USP5: variants seen among roughly 807,000 people sequenced by gnomAD.
USP5 encodes the protein ubiquitin carboxyl-terminal hydrolase 5.
USP5 carries 24 observed loss-of-function variants against 102.5 expected under a neutral mutation model. That is an observed-to-expected ratio of 0.23 (90% CI 0.17 to 0.33). The LOEUF (loss-of-function observed/expected upper bound fraction) is 0.33. Among genes scored for constraint, USP5 ranks in the 10% least tolerant of loss-of-function variants. The probability of loss-of-function intolerance (pLI) is 1.00; values close to 1 mark genes in which losing one functional copy is unlikely to be tolerated. For missense variants in USP5, 753 were observed against 1,122.1 expected (o/e 0.67, Z 4.70); for synonymous variants, 460 against 434.8 (o/e 1.06, Z -0.72).
Position 6,864,551 on chromosome 12 carries a change from T to C in USP5, c.2245-171T>C, listed in dbSNP as rs1330132852. On this transcript the variant is annotated intron_variant, in intron 17 of 19. Coordinates refer to ENST00000229268, the MANE Select transcript of USP5 (RefSeq NM_001098536.2). This position sits in a 1 kb window ranked among gnomAD's most constrained non-coding sequence, Gnocchi z 4.8. ...AAAAATACAAAAAATTAACCAAGCG[T>C]GGTGGTGGGCGTCTGTAGTCCCAGC... is the stretch of plus-strand genomic sequence containing the variant. Among the ~76,000 whole-genome samples the C allele has an allele frequency of 1.3e-5, 2 of 151,826 alleles. No homozygotes were observed. The highest frequency in any genetic ancestry group is 3.9e-4 in the East Asian group (2 of 5,174).
chr12:6,861,733 TCAGTTGGG>T lies in USP5; in HGVS notation c.1673+118_1673+125del. 1 of 1,202,868 alleles carries T rather than the reference TCAGTTGGG, an allele frequency of 8.3e-7. No individual in the cohort carries two copies. Among genetic ancestry groups the T allele is most frequent in the Non-Finnish European group, 1.1e-6 (1 of 925,586 alleles). The allele number at this position is 1,202,868 out of a possible 1,614,324, so 74.5% of individuals were successfully genotyped here. A position where few individuals can be genotyped will look rare whatever the true frequency, so the allele number is the denominator to read the frequency against. ...TTGTGGTTGGAACCTCAGGGTTGAATCAGTTGGGCTGGTAATCTGGCCCTGATGGAACC... is the reference window on the plus strand; with the variant it reads ...TTGTGGTTGGAACCTCAGGGTTGAATCTGGTAATCTGGCCCTGATGGAACC... On this transcript the variant is annotated intron_variant, in intron 13 of 19. Transcript: ENST00000229268. The surrounding 1 kb of genome is among the most constrained non-coding windows in gnomAD (Gnocchi z 4.9).
At position 6,865,234 on chromosome 12, in the gene USP5, C is replaced by G. The variant is rs1555130570; in HGVS notation, c.2469C>G (p.Ile823Met). Residue 823 changes from isoleucine (I) to methionine (M), a missense_variant, in exon 19 of 20, where the codon ATC (isoleucine) becomes ATG (methionine). By Grantham distance (10) the Ile-to-Met change is conservative. This residue lies in a region of USP5 where 33 missense variants were observed against 75.3 expected (regional missense o/e 0.44). Transcript: ENST00000229268. Reference sequence around the variant, plus strand: ...TGTGTGGTCACTACGTCTGCCACATCAAGAAAGAAGGCAGGTGAGTGCTGG... The same window carrying G: ...TGTGTGGTCACTACGTCTGCCACATGAAGAAAGAAGGCAGGTGAGTGCTGG... ...STMCGHYVCH[I>M]KKEGRWVIYN... 1 of 1,613,732 alleles carries G rather than the reference C, an allele frequency of 6.2e-7. No homozygotes were observed.
At chr12:6,862,076 G>C (rs1321362643) in intron 13 of USP5, among the ~76,000 whole-genome samples, 2 of 149,080 alleles carry the variant, frequency 1.3e-5, no homozygotes, top group Admixed American at 6.7e-5. Flanking sequence ...CTTCCTCTCT[G>C]TGTGGGTTTT....
Position 6,858,385 on chromosome 12 carries a change from G to T in USP5, c.865-39G>T, listed in dbSNP as rs1555128798. 4 of 1,580,790 alleles carry T rather than the reference G, an allele frequency of 2.5e-6. No homozygotes were observed. Among genetic ancestry groups the T allele is most frequent in the Non-Finnish European group, 3.5e-6 (4 of 1,152,588 alleles). ...AGATCGAGGTAAAAACTACAGGGTT[G>T]AGTTTCTCACTCAGTCTGAAGTGCC... On this transcript the variant is annotated intron_variant, in intron 7 of 19. Coordinates refer to ENST00000229268, the MANE Select transcript of USP5 (RefSeq NM_001098536.2). The surrounding 1 kb of genome is among the most constrained non-coding windows in gnomAD (Gnocchi z 4.2).
Position 6,866,366 on chromosome 12 carries a change from C to A in USP5, c.*289C>A. ...TCCACAGTGCTCTGCTTCTCTGTGT[C>A]GCCCCGCCCAGCCCCCTGGTGTGGA... On this transcript the variant is annotated 3_prime_UTR_variant, in exon 20 of 20. Transcript: ENST00000229268. The surrounding 1 kb of genome is among the most constrained non-coding windows in gnomAD (Gnocchi z 4.7). The A allele has an allele frequency of 2.5e-6, 1 of 401,858 alleles. No homozygotes were observed. The highest frequency in any genetic ancestry group is 4.6e-6 in the Non-Finnish European group (1 of 215,720). 24.9% of individuals were successfully genotyped at this position (401,858 alleles called of 1,614,324 possible).
chr12:6,861,002 T>C lies in USP5; in HGVS notation c.1394T>C (p.Val465Ala). The C allele has an allele frequency of 1.2e-6, 2 of 1,614,080 alleles. No individual in the cohort carries two copies. Among genetic ancestry groups the C allele is most frequent in the Non-Finnish European group, 1.7e-6 (2 of 1,180,000 alleles). The change falls in exon 12 of 20, where the codon GTG becomes GCG. Residue 465 changes from valine (V) to alanine (A), a missense_variant. Around this residue, in one of 3 missense-constraint regions of USP5, gnomAD observed 527 missense variants for 816.5 expected, o/e 0.65. Coordinates refer to ENST00000229268, the MANE Select transcript of USP5 (RefSeq NM_001098536.2). This position sits in a 1 kb window ranked among gnomAD's most constrained non-coding sequence, Gnocchi z 4.9. ...ENPNEVFRFL[V>A]EEKIKCLATE... ...CCTAATGAAGTGTTCCGCTTCTTGG[T>C]GGAGGAAAAGATCAAGTGCCTGGCC...
At position 6,855,900 on chromosome 12, in the gene USP5, G is replaced by C; in HGVS notation, c.304+79G>C. 6.2e-7 allele frequency: 1 copy of C among 1,609,440 alleles called. No homozygotes were observed. The highest frequency in any genetic ancestry group is 8.5e-7 in the Non-Finnish European group (1 of 1,176,358). On this transcript the variant is annotated intron_variant, in intron 3 of 19. Transcript: ENST00000229268. The surrounding 1 kb of genome is among the most constrained non-coding windows in gnomAD (Gnocchi z 4.6). ...AGCAGCACCAGGAAAGCCCCAAAGA[G>C]TGGGCCTGATTGATGGCCCTAGAAC...
chr12:6,860,863 G>T lies in USP5; in HGVS notation c.1345-90G>T, dbSNP rs1298719629. 1 of 1,546,588 alleles carries T rather than the reference G, an allele frequency of 6.5e-7. No individual in the cohort carries two copies. Among genetic ancestry groups the T allele is most frequent in the Non-Finnish European group, 8.8e-7 (1 of 1,137,098 alleles). On this transcript the variant is annotated intron_variant, in intron 11 of 19. Coordinates refer to ENST00000229268, the MANE Select transcript of USP5 (RefSeq NM_001098536.2). This position sits in a 1 kb window ranked among gnomAD's most constrained non-coding sequence, Gnocchi z 5.5. ...GTCCCTGAGTTCCGAGTGGTAGTCT[G>T]CCTTCTCTCCCTGACTCTCCCATGA...
Position 6,866,118 on chromosome 12 carries a change from C to G in USP5, c.*41C>G. On this transcript the variant is annotated 3_prime_UTR_variant, in exon 20 of 20. Coordinates refer to ENST00000229268, the MANE Select transcript of USP5 (RefSeq NM_001098536.2). This position sits in a 1 kb window ranked among gnomAD's most constrained non-coding sequence, Gnocchi z 4.7. ...CTTACCAATGAGGGCAGGGGAAGAC[C>G]ACCTGGCATGAGGGAGAGGGGCTGA... is the stretch of plus-strand genomic sequence containing the variant. The G allele has an allele frequency of 6.4e-7, 1 of 1,574,346 alleles. No homozygotes were observed. The highest frequency in any genetic ancestry group is 1.1e-5 in the South Asian group (1 of 90,278).
In USP5 at chr12:6,861,439, C is replaced by T. The variant is rs1555129508; in HGVS notation, c.1499-4C>T. Reference sequence around the variant, plus strand: ...AAGGATCCACCAACCCATTCTGTCACCAGAGGAGCTTCTGGAGTACGAGGA... The same window carrying T: ...AAGGATCCACCAACCCATTCTGTCATCAGAGGAGCTTCTGGAGTACGAGGA... On this transcript the variant is annotated splice_region_variant and splice_polypyrimidine_tract_variant and intron_variant, in intron 12 of 19. Coordinates refer to ENST00000229268, the MANE Select transcript of USP5 (RefSeq NM_001098536.2). This position sits in a 1 kb window ranked among gnomAD's most constrained non-coding sequence, Gnocchi z 4.9. The T allele has an allele frequency of 6.4e-7, 1 of 1,564,678 alleles. No individual in the cohort carries two copies. Among genetic ancestry groups the T allele is most frequent in the Admixed American group, 1.8e-5 (1 of 55,636 alleles).
At position 6,860,893 on chromosome 12, in the gene USP5, T is replaced by C. The variant is rs1396652028; in HGVS notation, c.1345-60T>C. Reference sequence around the variant, plus strand: ...CTCTCCCTGACTCTCCCATGAACCTTTCAGGCCCCATTCTGTTCCCTGGCT... The same window carrying C: ...CTCTCCCTGACTCTCCCATGAACCTCTCAGGCCCCATTCTGTTCCCTGGCT... On this transcript the variant is annotated intron_variant, in intron 11 of 19. Transcript: ENST00000229268. This position sits in a 1 kb window ranked among gnomAD's most constrained non-coding sequence, Gnocchi z 5.5. The C allele has an allele frequency of 5.6e-6, 9 of 1,602,582 alleles. No homozygotes were observed. Among genetic ancestry groups the C allele is most frequent in the Non-Finnish European group, 7.7e-6 (9 of 1,173,096 alleles).
chr12:6,861,380 A>C lies in USP5; in HGVS notation c.1499-63A>C. On this transcript the variant is annotated intron_variant, in intron 12 of 19. Coordinates refer to ENST00000229268, the MANE Select transcript of USP5 (RefSeq NM_001098536.2). The surrounding 1 kb of genome is among the most constrained non-coding windows in gnomAD (Gnocchi z 4.9). The stretch of plus-strand genomic sequence containing the variant: ...AAATACGGACACAGAGCCAGTAGGG[A>C]GAGGCTAAGGAGGCAAAGAAGCAGC... 6.7e-7 allele frequency: 1 copy of C among 1,501,690 alleles called. No individual in the cohort carries two copies. 93.0% of individuals were successfully genotyped at this position (1,501,690 alleles called of 1,614,324 possible). A position where few individuals can be genotyped will look rare whatever the true frequency, so the allele number is the denominator to read the frequency against.
chr12:6,857,562 G>A lies in USP5; in HGVS notation c.770-67G>A, dbSNP rs1424916301. ...TCCCCTCAAGTCCCTTCTGTGCAAG[G>A]GATGGGATGGTGGCCTGGCTAGTCC... On this transcript the variant is annotated intron_variant, in intron 6 of 19. Transcript: ENST00000229268. The A allele has an allele frequency of 3.6e-6, 5 of 1,393,672 alleles. No homozygotes were observed. The East Asian group carries it at 9.2e-5, about 26-fold the overall frequency. 86.3% of individuals were successfully genotyped at this position (1,393,672 alleles called of 1,614,324 possible). A position where few individuals can be genotyped will look rare whatever the true frequency, so the allele number is the denominator to read the frequency against.
chr12:6,866,601 T>C lies in USP5; in HGVS notation c.*524T>C, dbSNP rs1555131066. 6.4e-6 allele frequency: 1 copy of C among 156,198 alleles called. No homozygotes were observed. Among genetic ancestry groups the C allele is most frequent in the Non-Finnish European group, 1.4e-5 (1 of 70,040 alleles). 9.7% of individuals were successfully genotyped at this position (156,198 alleles called of 1,614,324 possible). A position where few individuals can be genotyped will look rare whatever the true frequency, so the allele number is the denominator to read the frequency against. ...TGTCCTTCTCTGGAAAATGCCAAAA[T>C]ACACGATGTGAATAAAAGTACAACG... On this transcript the variant is annotated 3_prime_UTR_variant, in exon 20 of 20. Coordinates refer to ENST00000229268, the MANE Select transcript of USP5 (RefSeq NM_001098536.2). The surrounding 1 kb of genome is among the most constrained non-coding windows in gnomAD (Gnocchi z 4.7).
At position 6,861,633 on chromosome 12, in the gene USP5, G is replaced by A. The variant is rs782162941; in HGVS notation, c.1673+16G>A. The A allele has an allele frequency of 3.7e-5, 57 of 1,528,248 alleles. No homozygotes were observed. The highest frequency in any genetic ancestry group is 6.9e-5 in the African/African-American group (5 of 72,564). 94.7% of individuals were successfully genotyped at this position (1,528,248 alleles called of 1,614,324 possible). The stretch of plus-strand genomic sequence containing the variant: ...TAGCTGTCAAGTAAGTCCTCTGGTC[G>A]GGGCCTGAGGCTGTGGGTCTATGGC... On this transcript the variant is annotated intron_variant, in intron 13 of 19. Coordinates refer to ENST00000229268, the MANE Select transcript of USP5 (RefSeq NM_001098536.2). The surrounding 1 kb of genome is among the most constrained non-coding windows in gnomAD (Gnocchi z 4.9).
At chr12:6,859,676 C>A in intron 9 of USP5, 135 bp downstream of exon 9, 1 of 884,510 alleles carries the variant, frequency 1.1e-6, no homozygotes, top group Non-Finnish European at 1.8e-6. Flanking sequence ...TTTTTTGAGA[C>A]GGAGTCTTGT....
rs782402647 is a variant in USP5 at position 6,864,645 on chromosome 12, C to G, written c.2245-77C>G. On this transcript the variant is annotated intron_variant, in intron 17 of 19. Transcript: ENST00000229268. This position sits in a 1 kb window ranked among gnomAD's most constrained non-coding sequence, Gnocchi z 4.8. ...CGGAGCTTGCAGTGAGCCGAGATCG[C>G]GCCACTGCACTCCAGCCTGGGCGAC... 6.7e-7 allele frequency: 1 copy of G among 1,496,816 alleles called. No individual in the cohort carries two copies. The highest frequency in any genetic ancestry group is 9.0e-7 in the Non-Finnish European group (1 of 1,108,500). The allele number at this position is 1,496,816 out of a possible 1,614,324, so 92.7% of individuals were successfully genotyped here.
chr12:6,855,896 A>G lies in USP5; in HGVS notation c.304+75A>G. On this transcript the variant is annotated intron_variant, in intron 3 of 19. Transcript: ENST00000229268. This position sits in a 1 kb window ranked among gnomAD's most constrained non-coding sequence, Gnocchi z 4.6. Reference sequence around the variant, plus strand: ...TCTCAGCAGCACCAGGAAAGCCCCAAAGAGTGGGCCTGATTGATGGCCCTA... The same window carrying G: ...TCTCAGCAGCACCAGGAAAGCCCCAGAGAGTGGGCCTGATTGATGGCCCTA... 6.2e-7 allele frequency: 1 copy of G among 1,610,108 alleles called. No homozygotes were observed. The highest frequency in any genetic ancestry group is 8.5e-7 in the Non-Finnish European group (1 of 1,176,894).
Position 6,864,199 on chromosome 12 carries a change from TGG to T in USP5, c.2244+6_2244+7del. The T allele has an allele frequency of 6.3e-7, 1 of 1,597,134 alleles. No individual in the cohort carries two copies. Among genetic ancestry groups the T allele is most frequent in the Non-Finnish European group, 8.5e-7 (1 of 1,171,408 alleles). On this transcript the variant is annotated splice_donor_5th_base_variant and intron_variant, in intron 17 of 19. Transcript: ENST00000229268. This position sits in a 1 kb window ranked among gnomAD's most constrained non-coding sequence, Gnocchi z 4.8. Reference sequence around the variant, plus strand: ...CTTGAAAGCGCTGCGGGCCACGGTATGGGCTGCCCCAGCTAAGGACATGGGGC... The same window carrying T: ...CTTGAAAGCGCTGCGGGCCACGGTATGCTGCCCCAGCTAAGGACATGGGGC...
Sources: allele counts gnomAD v4.1 joint callset (sites outside exome capture counted in the v4.1 genomes callset), GRCh38; gene constraint gnomAD v4.1.1; regional missense constraint gnomAD v4.1.1; non-coding constraint Gnocchi (gnomAD v3.1); transcripts MANE v1.5; gene names NCBI Gene and HGNC (gene_info 2026-07-23, HGNC 2026-07-21).